Variants in NECTIN3 observed in about 807,000 individuals in gnomAD.
The protein encoded by NECTIN3 is nectin cell adhesion molecule 3.
A neutral mutation model predicts 49.4 loss-of-function variants in NECTIN3; 8 were observed. That is an observed-to-expected ratio of 0.16 (90% CI 0.10 to 0.29). The LOEUF (loss-of-function observed/expected upper bound fraction) is 0.29. NECTIN3 is among the 10% of genes least tolerant of loss of function. The probability of loss-of-function intolerance (pLI) is 1.00; values close to 1 mark genes in which losing one functional copy is unlikely to be tolerated. For missense variants in NECTIN3, 581 were observed against 654.6 expected (o/e 0.89, Z 1.23); for synonymous variants, 277 against 241.1 (o/e 1.15, Z -1.38).
chr3:111,144,714 TATA>T (rs2034832363), intron 5 of NECTIN3, among the ~76,000 whole-genome samples: 2 of 152,038 alleles, frequency 1.3e-5, no homozygotes, highest in African/African-American at 4.8e-5. Context: ...ATTAAAGTAA[TATA>T]AGAAAGAAGG....
At chr3:111,154,030 G>C (rs1317742498) in intron 7 of NECTIN3, among the ~76,000 whole-genome samples, 1 of 152,096 alleles carries the variant, frequency 6.6e-6, no homozygotes, top group East Asian at 1.9e-4. Context: ...CACATATTAA[G>C]AATGTAAATT....
chr3:111,174,404 A>G (rs527909407), intron 7 of NECTIN3, among the ~76,000 whole-genome samples: 48 of 152,146 alleles, frequency 3.2e-4, no homozygotes, highest in African/African-American at 9.9e-4. Context: ...CACTGCGGAT[A>G]TATTGATGTG....
chr3:111,107,216 T>A (rs550529734), intron 1 of NECTIN3, among the ~76,000 whole-genome samples: 103 of 152,264 alleles, frequency 6.8e-4, no homozygotes, highest in Non-Finnish European at 1.3e-3. Flanking sequence ...CCAAATGTTT[T>A]GTATCTCCCA....
chr3:111,117,494 A>G (rs539893687), intron 2 of NECTIN3, among the ~76,000 whole-genome samples: 2 of 152,216 alleles, frequency 1.3e-5, no homozygotes, highest in Admixed American at 1.3e-4. Context: ...AAAATTGTTC[A>G]TTGCGTGTGT....
chr3:111,118,283 T>TATATATATATAC (rs71131953), intron 2 of NECTIN3, among the ~76,000 whole-genome samples: 1 of 122,640 alleles, frequency 8.2e-6, no homozygotes, highest in Admixed American at 8.4e-5. Flanking sequence ...TATATATATA[T>TATATATATATAC]TATACATATA....
intron 1 of NECTIN3, chr3:111,072,655 C>T (rs1056635093): frequency 7.5e-7 from 1 of 1,333,074 alleles, no homozygotes; most frequent in African/African-American, 1.5e-5. Flanking sequence ...GGAGAAGGCA[C>T]CATTTTAGCC....
intron 7 of NECTIN3, among the ~76,000 whole-genome samples, chr3:111,148,685 G>A (rs972437481): frequency 2.0e-5 from 3 of 151,970 alleles, no homozygotes; most frequent in Non-Finnish European, 4.4e-5. Flanking sequence ...TTGGTTATAG[G>A]TATTAATAGT....
intron 1 of NECTIN3, among the ~76,000 whole-genome samples, chr3:111,109,359 A>AT (rs1208554571): frequency 2.0e-5 from 3 of 152,164 alleles, no homozygotes; most frequent in African/African-American, 7.2e-5. Flanking sequence ...AGGGGATAAA[A>AT]TAAAAACTAG....
chr3:111,074,685 GT>G (rs902201088), intron 1 of NECTIN3, among the ~76,000 whole-genome samples: 3 of 151,992 alleles, frequency 2.0e-5, no homozygotes, highest in African/African-American at 7.2e-5. Flanking sequence ...AGTTTTACAG[GT>G]TGTCAAATTG....
chr3:111,148,755 T>G (rs1330604302), intron 7 of NECTIN3, among the ~76,000 whole-genome samples: 1 of 152,152 alleles, frequency 6.6e-6, no homozygotes, highest in Non-Finnish European at 1.5e-5. Flanking sequence ...GAACTTTGCT[T>G]CTTAGTTTTT....
At chr3:111,118,286 T>C (rs1170807166) in intron 2 of NECTIN3, among the ~76,000 whole-genome samples, 1 of 63,042 alleles carries the variant, frequency 1.6e-5, no homozygotes, top group South Asian at 5.4e-4. Context: ...ATATATATTA[T>C]ACATATATAA....
chr3:111,154,324 T>A (rs2035057116), intron 7 of NECTIN3, among the ~76,000 whole-genome samples: 1 of 152,196 alleles, frequency 6.6e-6, no homozygotes, highest in South Asian at 2.1e-4. Context: ...GATTTTGAGA[T>A]TCATTCATGT....
Position 111,112,297 on chromosome 3 carries a change from C to G in NECTIN3, c.428C>G (p.Ser143Cys). ...ITLHNIGFSD[S>C]GKYICKAVTF... ...CTGCATAACATAGGATTCTCTGATT[C>G]TGGAAAATACATCTGCAAAGCTGTT... Residue 143 changes from serine to cysteine, a missense_variant, in exon 2 of 6, where the codon TCT (serine) becomes TGT (cysteine). Physicochemically the swap from Ser to Cys is moderately radical, Grantham distance 112. This residue lies in a region of NECTIN3 where 234 missense variants were observed against 340.6 expected (regional missense o/e 0.69). Coordinates refer to ENST00000485303, the MANE Select transcript of NECTIN3 (RefSeq NM_015480.3). 1 of 1,613,782 alleles carries G rather than the reference C, an allele frequency of 6.2e-7. No homozygotes were observed. The highest frequency in any genetic ancestry group is 2.2e-5 in the East Asian group (1 of 44,860).
Position 111,071,943 on chromosome 3 carries a change from C to T in NECTIN3, c.-75C>T, listed in dbSNP as rs913231415. ...CGCGCGCCGGACCTTCCACAGCCTC[C>T]GCCCAGAGCCTGAGGCGCCGGGGCC... On this transcript the variant is annotated 5_prime_UTR_variant, in exon 1 of 6. Transcript: ENST00000485303. 6 of 1,118,392 alleles carry T rather than the reference C, an allele frequency of 5.4e-6. No individual in the cohort carries two copies. The highest frequency in any genetic ancestry group is 1.7e-5 in the African/African-American group (1 of 59,824). 69.3% of individuals were successfully genotyped at this position (1,118,392 alleles called of 1,614,324 possible).
At chr3:111,144,638 C>A (rs2034830675) in intron 5 of NECTIN3, among the ~76,000 whole-genome samples, 1 of 151,134 alleles carries the variant, frequency 6.6e-6, no homozygotes, top group African/African-American at 2.4e-5. Flanking sequence ...CTTTACATAT[C>A]GAGAATATAT....
intron 1 of NECTIN3, among the ~76,000 whole-genome samples, chr3:111,091,443 G>A (rs560875133): frequency 3.3e-5 from 5 of 151,992 alleles, no homozygotes; most frequent in South Asian, 2.1e-4. Context: ...TAGTAGAGAC[G>A]GGGTTTCACT....
At chr3:111,188,546 A>G (rs1270797845), upstream of NECTIN3, among the ~76,000 whole-genome samples, 1 of 152,100 alleles carries the variant, frequency 6.6e-6, no homozygotes, top group Non-Finnish European at 1.5e-5. Flanking sequence ...CAAATTCACC[A>G]CTTCTGGCTA....
At chr3:111,073,444 A>G (rs1166044099) in intron 1 of NECTIN3, 1 of 152,258 alleles carries the variant, frequency 6.6e-6, no homozygotes, top group Non-Finnish European at 1.5e-5. Context: ...GTTTACCACC[A>G]CGTTTCCAGC....
At chr3:111,139,078 T>C (rs976754514), downstream of NECTIN3, among the ~76,000 whole-genome samples, 13 of 151,696 alleles carry the variant, frequency 8.6e-5, no homozygotes, top group East Asian at 3.9e-4. Flanking sequence ...GTCAGTCTTA[T>C]TCAATTTAGA....
Sources: gnomAD v4.1 joint callset for allele counts (sites outside exome capture counted in the v4.1 genomes callset) on GRCh38, gnomAD v4.1.1 for gene constraint, gnomAD v4.1.1 regional missense constraint, MANE v1.5 for transcripts, NCBI Gene and HGNC (gene_info 2026-07-23, HGNC 2026-07-21) for gene names.